The following ZNF486 variants were observed in gnomAD, a reference collection of about 807,000 sequenced individuals.
ZNF486 encodes KRAB box only protein 2.
A neutral mutation model predicts 12.8 loss-of-function variants in ZNF486; 12 were observed. The ratio of observed to expected loss-of-function variants is 0.94; its 90% CI spans 0.60 to 1.52. The LOEUF is 1.52. ZNF486 is among the 40% of genes most tolerant of loss of function. ZNF486 has a pLI of 0.00. For missense variants in ZNF486, 738 were observed against 545.0 expected, an observed-to-expected ratio of 1.35 and a Z score of -3.53; for synonymous variants, 231 against 184.9, an observed-to-expected ratio of 1.25 and a Z score of -2.02.
At chr19:20,188,450 A>G (rs553915623) in intron 3 of ZNF486, 30 of 398,508 alleles carry the variant, frequency 7.5e-5, no homozygotes, top group Non-Finnish European at 1.2e-4. Context: ...TTGGGAGGCC[A>G]ACACAGGAGG....
intron 2 of ZNF486, among the ~76,000 whole-genome samples, chr19:20,185,404 G>GTTTTTTTTTT (rs782413355): frequency 9.3e-4 from 65 of 69,590 alleles, no homozygotes; most frequent in African/African-American, 2.1e-3. Context: ...TATTGTTTAT[G>GTTTTTTTTTT]TTTTTTTTTT....
chr19:20,184,314 A>G, intron 1 of ZNF486, 42 bp from the exon 2 acceptor site: 2 of 1,607,136 alleles, frequency 1.2e-6, no homozygotes, highest in South Asian at 1.1e-5. Context: ...AATTCCACCA[A>G]CGGCGACTTG....
At chr19:20,186,160 A>G in intron 3 of ZNF486, 78 bp downstream of exon 3, 1 of 1,059,616 alleles carries the variant, frequency 9.4e-7, no homozygotes, top group Non-Finnish European at 1.3e-6. Context: ...CAGTCCTTAA[A>G]ATGTGATCTG....
Position 20,197,564 on chromosome 19 carries a change from A to G in ZNF486, c.854A>G (p.Lys285Arg). 2 of 1,613,622 alleles carry G rather than the reference A, an allele frequency of 1.2e-6. No individual in the cohort carries two copies. Among genetic ancestry groups the G allele is most frequent in the Non-Finnish European group, 1.7e-6 (2 of 1,179,788 alleles). ...FMYPYTLTTH[K>R]IIHTGEQPYK... Reference sequence around the variant, plus strand: ...TACCCCTATACCCTTACTACACATAAGATAATCCATACTGGAGAGCAACCC... The same window carrying G: ...TACCCCTATACCCTTACTACACATAGGATAATCCATACTGGAGAGCAACCC... The change falls in exon 4 of 4, where the codon AAG becomes AGG. Residue 285 changes from lysine to arginine, a missense_variant. Coordinates refer to ENST00000335117, the MANE Select transcript of ZNF486 (RefSeq NM_052852.4).
At chr19:20,190,878 A>T (rs1224141843) in intron 3 of ZNF486, among the ~76,000 whole-genome samples, 1 of 152,100 alleles carries the variant, frequency 6.6e-6, no homozygotes, top group Non-Finnish European at 1.5e-5. Context: ...TCAATGTTGG[A>T]TGTGGGACCT....
intron 2 of ZNF486, among the ~76,000 whole-genome samples, chr19:20,185,184 T>G (rs1555716183): frequency 1.3e-5 from 2 of 152,114 alleles, no homozygotes; most frequent in African/African-American, 4.8e-5. Context: ...TATTTGGATC[T>G]TCTCTTCGTA....
chr19:20,197,169 A>ATTT lies in ZNF486; in HGVS notation c.460_462dup (p.Phe154dup), dbSNP rs1190122027. ...GTTTGACAACTACCCAGAGCAAAAT[A>ATTT]TTTCAATGTGGTAAATATGTGAAAG... On this transcript the variant is annotated inframe_insertion, in exon 4 of 4. Coordinates refer to ENST00000335117, the MANE Select transcript of ZNF486 (RefSeq NM_052852.4). 4.3e-6 allele frequency: 7 copies of ATTT among 1,613,764 alleles called. No individual in the cohort carries two copies. Among genetic ancestry groups the ATTT allele is most frequent in the Non-Finnish European group, 5.9e-6 (7 of 1,179,940 alleles).
In ZNF486 at chr19:20,173,718, G is replaced by A. The variant is rs568367286; in HGVS notation, c.30+6358G>A. ...GTGGTGGCGGGCGCCTGTAGTCCCA[G>A]CTACTTGGGAGGCTGAGGCAGGAGA... On this transcript the variant is annotated intron_variant, in intron 1 of 3. Coordinates refer to ENST00000335117, the MANE Select transcript of ZNF486 (RefSeq NM_052852.4). 5.3e-5 allele frequency among the ~76,000 whole-genome samples: 8 copies of A among 152,156 alleles called. 1 individual carries two copies. In the South Asian group the frequency reaches 1.5e-3, roughly 28 times the overall value.
In ZNF486 at chr19:20,198,330, T is replaced by C; in HGVS notation, c.*228T>C. The C allele has an allele frequency of 2.1e-6, 1 of 470,262 alleles. No individual in the cohort carries two copies. Among genetic ancestry groups the C allele is most frequent in the Non-Finnish European group, 3.8e-6 (1 of 264,126 alleles). The allele number at this position is 470,262 out of a possible 1,614,324, so 29.1% of individuals were successfully genotyped here. ...GTTGGTCAGGCTGGTCTCAATCTCC[T>C]AACCTCAGGTGGTCTGCCTGCTTTG... On this transcript the variant is annotated 3_prime_UTR_variant, in exon 4 of 4. Coordinates refer to ENST00000335117, the MANE Select transcript of ZNF486 (RefSeq NM_052852.4).
chr19:20,185,107 C>G (rs782543884), intron 2 of ZNF486, among the ~76,000 whole-genome samples: 18 of 152,072 alleles, frequency 1.2e-4, no homozygotes, highest in Non-Finnish European at 2.2e-4. Context: ...GCAAATACCA[C>G]TCTAATTTTG....
chr19:20,189,958 TTTTG>T (rs1301432390), intron 3 of ZNF486, among the ~76,000 whole-genome samples: 5 of 152,050 alleles, frequency 3.3e-5, no homozygotes, highest in Admixed American at 1.3e-4. Flanking sequence ...TGTCTAAGTA[TTTTG>T]TTTAAAATAT....
Position 20,196,957 on chromosome 19 carries a change from C to A in ZNF486, c.254-7C>A. 4.6e-6 allele frequency: 7 copies of A among 1,530,280 alleles called. No homozygotes were observed. The highest frequency in any genetic ancestry group is 6.1e-6 in the Non-Finnish European group (7 of 1,144,722). The allele number at this position is 1,530,280 out of a possible 1,614,324, so 94.8% of individuals were successfully genotyped here. A position where few individuals can be genotyped will look rare whatever the true frequency, so the allele number is the denominator to read the frequency against. The stretch of plus-strand genomic sequence containing the variant: ...TTGAAGTAATGTGTTTTTATTGTTT[C>A]TTTCAGTTGTGTGTTCTCATTTTGC... On this transcript the variant is annotated splice_region_variant and splice_polypyrimidine_tract_variant and intron_variant, in intron 3 of 3. Transcript: ENST00000335117.
chr19:20,176,843 G>C (rs1246063662), intron 1 of ZNF486: 1 of 152,692 alleles, frequency 6.5e-6, no homozygotes, highest in African/African-American at 2.4e-5. Context: ...GGGAGAGGGA[G>C]AGTCGAAGCC....
chr19:20,198,071 G>A lies in ZNF486; in HGVS notation c.1361G>A (p.Arg454Lys), dbSNP rs546556139. 3.1e-6 allele frequency: 5 copies of A among 1,604,154 alleles called. No homozygotes were observed. Among genetic ancestry groups the A allele is most frequent in the Non-Finnish European group, 4.3e-6 (5 of 1,174,930 alleles). ...NWSSDLNKHK[R>K]IHIGQKPRT Reference sequence around the variant, plus strand: ...TCCTCAGACCTTAATAAACATAAGAGAATTCATATTGGACAGAAACCAAGA... The same window carrying A: ...TCCTCAGACCTTAATAAACATAAGAAAATTCATATTGGACAGAAACCAAGA... Residue 454 changes from arginine to lysine, a missense_variant, in exon 4 of 4, where the codon AGA (arginine) becomes AAA (lysine). By Grantham distance (26) the Arg-to-Lys change is conservative (BLOSUM62 2). Transcript: ENST00000335117.
chr19:20,170,039 C>A (rs557544687), intron 1 of ZNF486, among the ~76,000 whole-genome samples: 1 of 151,432 alleles, frequency 6.6e-6, no homozygotes, highest in South Asian at 2.1e-4. Context: ...TACAGGCGCC[C>A]GCCACCACGC....
At chr19:20,179,071 C>T (rs908766152) in intron 1 of ZNF486, among the ~76,000 whole-genome samples, 10 of 152,140 alleles carry the variant, frequency 6.6e-5, no homozygotes, top group African/African-American at 2.4e-4. Context: ...AAACTTTTGT[C>T]TAAATAAAGC....
intron 1 of ZNF486, among the ~76,000 whole-genome samples, chr19:20,169,288 G>A (rs1017833465): frequency 5.9e-5 from 9 of 152,132 alleles, no homozygotes; most frequent in Non-Finnish European, 5.9e-5. Flanking sequence ...CTAATTATGT[G>A]TGTTTACTAG....
intron 3 of ZNF486, among the ~76,000 whole-genome samples, chr19:20,194,594 G>A (rs2059978466): frequency 6.6e-6 from 1 of 152,122 alleles, no homozygotes; most frequent in African/African-American, 2.4e-5. Flanking sequence ...CAGGCATGGT[G>A]GCGCACGCCT....
rs139560479 is a variant in ZNF486 at position 20,173,259 on chromosome 19, C to A, written c.30+5899C>A. On this transcript the variant is annotated intron_variant, in intron 1 of 3. Coordinates refer to ENST00000335117, the MANE Select transcript of ZNF486 (RefSeq NM_052852.4). Reference sequence around the variant, plus strand: ...TTTGCATATGGTGTAACGAAGGGGTCCAGCTTTAGTCTTCTAAAAAATGCT... The same window carrying A: ...TTTGCATATGGTGTAACGAAGGGGTACAGCTTTAGTCTTCTAAAAAATGCT... 3.0e-3 allele frequency among the ~76,000 whole-genome samples: 463 copies of A among 152,176 alleles called. 2 individuals carry two copies. Among genetic ancestry groups the A allele is most frequent in the African/African-American group, 0.011 (447 of 41,526 alleles).
Sources: gnomAD v4.1 joint callset for allele counts (sites outside exome capture counted in the v4.1 genomes callset) on GRCh38, gnomAD v4.1.1 for gene constraint, MANE v1.5 for transcripts, NCBI Gene and HGNC (gene_info 2026-07-23, HGNC 2026-07-21) for gene names.